Variants in ZNF554 observed in about 807,000 individuals in gnomAD.
The protein encoded by ZNF554 is zinc finger protein 554.
In ZNF554, 15 loss-of-function variants were observed where a neutral mutation model predicts 21.2. The observed-to-expected ratio is 0.71, with a 90% CI of 0.47 to 1.09. ZNF554 has a LOEUF of 1.09. Among genes scored for constraint, ZNF554 ranks in the 50% least tolerant of loss-of-function variants. The pLI is 0.00. For synonymous variants in ZNF554, 258 were observed against 251.4 expected (o/e 1.03, Z -0.25); for missense variants, 691 against 662.7 (o/e 1.04, Z -0.47).
At chr19:2,823,955 G>A (rs567368250) in intron 2 of ZNF554, among the ~76,000 whole-genome samples, 13 of 152,270 alleles carry the variant, frequency 8.5e-5, no homozygotes, top group African/African-American at 3.1e-4. Context: ...TGGCCTGAAG[G>A]TGGGGCCTTA....
chr19:2,824,380 G>A (rs1373639270), intron 2 of ZNF554, among the ~76,000 whole-genome samples: 3 of 152,168 alleles, frequency 2.0e-5, no homozygotes, highest in Non-Finnish European at 4.4e-5. Context: ...ACAGGAGGAC[G>A]GGGCTCCCAC....
intron 3 of ZNF554, among the ~76,000 whole-genome samples, chr19:2,830,053 T>C (rs2087393075): frequency 6.6e-6 from 1 of 152,044 alleles, no homozygotes; most frequent in African/African-American, 2.4e-5. Flanking sequence ...GCCTCCGGAG[T>C]AGCTGGGACT....
chr19:2,825,309 C>T (rs949283646), intron 2 of ZNF554, among the ~76,000 whole-genome samples: 1 of 151,336 alleles, frequency 6.6e-6, no homozygotes, highest in Non-Finnish European at 1.5e-5. Context: ...CCACCACGTC[C>T]GCCCTCTGCA....
At chr19:2,822,982 C>G in intron 1 of ZNF554, 58 bp from the exon 2 acceptor site, 2 of 1,569,718 alleles carry the variant, frequency 1.3e-6, no homozygotes, top group Non-Finnish European at 8.7e-7. Context: ...GCCAAGGGCT[C>G]TGGGATCTGG....
rs777911065 is a variant in ZNF554 at position 2,834,040 on chromosome 19, G to A, written c.805G>A (p.Asp269Asn). ...AAACCACCATCAGCTGGGATATGCA[G>A]ATCGGAGACCTTGTGAAAGTAATGA... ...VLNHHQLGYA[D>N]RRPCESNECG... is the part of the protein sequence containing the mutation. Residue 269 changes from aspartate (D) to asparagine (N), a missense_variant, in exon 5 of 5, where the codon GAT becomes AAT. Asp to Asn is a conservative substitution (Grantham distance 23). Coordinates refer to ENST00000317243, the MANE Select transcript of ZNF554 (RefSeq NM_001102651.2). 6.2e-7 allele frequency: 1 copy of A among 1,614,160 alleles called. No homozygotes were observed. Among genetic ancestry groups the A allele is most frequent in the Non-Finnish European group, 8.5e-7 (1 of 1,180,036 alleles).
At chr19:2,822,708 C>G (rs370896830) in intron 1 of ZNF554, among the ~76,000 whole-genome samples, 2 of 152,286 alleles carry the variant, frequency 1.3e-5, no homozygotes, top group African/African-American at 4.8e-5. Flanking sequence ...AAGGCCCCGT[C>G]TCTACAGAAA....
In ZNF554 at chr19:2,834,547, T is replaced by G. The variant is rs1245757374; in HGVS notation, c.1312T>G (p.Cys438Gly). Residue 438 changes from cysteine to glycine, a missense_variant, in exon 5 of 5, where the codon TGC (cysteine) becomes GGC (glycine). Transcript: ENST00000317243. ...ACACACCGGAGAGAAGCCCTACGAA[T>G]GCAGTGAATGTGGAAAGGCCTTCAG... ...RTHTGEKPYE[C>G]SECGKAFSDR... The G allele has an allele frequency of 6.2e-7, 1 of 1,613,912 alleles. No individual in the cohort carries two copies. Among genetic ancestry groups the G allele is most frequent in the Non-Finnish European group, 8.5e-7 (1 of 1,180,032 alleles).
At chr19:2,828,092 G>A (rs554549026) in intron 3 of ZNF554, among the ~76,000 whole-genome samples, 5 of 152,100 alleles carry the variant, frequency 3.3e-5, no homozygotes, top group South Asian at 4.2e-4. Flanking sequence ...CACCCTTGAC[G>A]TCGGGATTAT....
intron 1 of ZNF554, 66 bp downstream of exon 1, chr19:2,820,190 G>A (rs2087243787): frequency 8.3e-7 from 1 of 1,200,328 alleles, no homozygotes; most frequent in African/African-American, 1.6e-5. Context: ...GGTGGGGCTG[G>A]GTCTGGCGGG....
Position 2,836,261 on chromosome 19 carries a change from CTGTG to C in ZNF554, c.*1410_*1413del, listed in dbSNP as rs1284913850. Among the ~76,000 whole-genome samples the C allele has an allele frequency of 2.7e-4, 41 of 151,442 alleles. No individual in the cohort carries two copies. Among genetic ancestry groups the C allele is most frequent in the East Asian group, 2.4e-3 (12 of 5,100 alleles). ...GTGCTGGGATTACGGGCGTGAGCCA[CTGTG>C]CTGGGATTACGGGCGCGAGCCACTG... is the stretch of plus-strand genomic sequence containing the variant. On this transcript the variant is annotated 3_prime_UTR_variant, in exon 5 of 5. Transcript: ENST00000317243.
chr19:2,823,845 C>T (rs2087294443), intron 2 of ZNF554, among the ~76,000 whole-genome samples: 1 of 152,060 alleles, frequency 6.6e-6, no homozygotes, highest in Non-Finnish European at 1.5e-5. Flanking sequence ...TGTGTGCCGA[C>T]TGGTTCATGG....
intron 2 of ZNF554, among the ~76,000 whole-genome samples, chr19:2,823,507 G>A (rs1208588695): frequency 6.6e-6 from 1 of 152,132 alleles, no homozygotes; most frequent in Non-Finnish European, 1.5e-5. Context: ...CTCCCTGTTG[G>A]CAGGTTGTCT....
intron 4 of ZNF554, 76 bp downstream of exon 4, chr19:2,832,570 A>G: frequency 2.1e-6 from 3 of 1,434,830 alleles, no homozygotes; most frequent in Non-Finnish European, 1.9e-6. Flanking sequence ...GCTCTTCACA[A>G]GGCCCTGATT....
intron 3 of ZNF554, among the ~76,000 whole-genome samples, chr19:2,828,782 C>T (rs963724797): frequency 6.6e-6 from 1 of 151,918 alleles, no homozygotes; most frequent in Non-Finnish European, 1.5e-5. Flanking sequence ...GAAGCAGGCA[C>T]CTTCTTCAAA....
rs1214018573 is a variant in ZNF554 at position 2,836,306 on chromosome 19, T to C, written c.*1454T>C. ...CGAGCCACTGTGCTGGGATTACAGG[T>C]GTGAGCCACCCTGCTGGGATTATGG... is the stretch of plus-strand genomic sequence containing the variant. On this transcript the variant is annotated 3_prime_UTR_variant, in exon 5 of 5. Coordinates refer to ENST00000317243, the MANE Select transcript of ZNF554 (RefSeq NM_001102651.2). Among the ~76,000 whole-genome samples, 1 of 151,962 alleles carries C rather than the reference T, an allele frequency of 6.6e-6. No homozygotes were observed. Among genetic ancestry groups the C allele is most frequent in the Non-Finnish European group, 1.5e-5 (1 of 67,978 alleles).
intron 3 of ZNF554, among the ~76,000 whole-genome samples, chr19:2,828,677 GAAA>G (rs35070771): frequency 2.1e-5 from 3 of 140,092 alleles, no homozygotes; most frequent in Non-Finnish European, 3.1e-5. Context: ...TCCGTCTCAA[GAAA>G]AAAAAAAAAA....
At chr19:2,828,316 T>C (rs1382824892) in intron 3 of ZNF554, among the ~76,000 whole-genome samples, 1 of 152,206 alleles carries the variant, frequency 6.6e-6, no homozygotes, top group Non-Finnish European at 1.5e-5. Flanking sequence ...CAATTGCATG[T>C]CTCAGCTCAG....
chr19:2,824,088 C>G (rs2087297261), intron 2 of ZNF554, among the ~76,000 whole-genome samples: 1 of 152,208 alleles, frequency 6.6e-6, no homozygotes, highest in Admixed American at 6.5e-5. Flanking sequence ...ACCCCTGAAC[C>G]TGCAGGGACT....
intron 2 of ZNF554, among the ~76,000 whole-genome samples, chr19:2,823,505 T>C (rs1192732941): frequency 1.3e-5 from 2 of 152,146 alleles, no homozygotes; most frequent in Admixed American, 6.6e-5. Flanking sequence ...TCCTCCCTGT[T>C]GGCAGGTTGT....
Sources: gnomAD v4.1 joint callset for allele counts (sites outside exome capture counted in the v4.1 genomes callset) on GRCh38, gnomAD v4.1.1 for gene constraint, MANE v1.5 for transcripts, NCBI Gene and HGNC (gene_info 2026-07-23, HGNC 2026-07-21) for gene names.